Variants in TMEM231 observed in about 807,000 individuals in gnomAD.
TMEM231 encodes transmembrane protein 231.
A neutral mutation model predicts 38.5 loss-of-function variants in TMEM231; 40 were observed. The observed-to-expected ratio is 1.04, with a 90% CI of 0.81 to 1.35. TMEM231 has a LOEUF of 1.35. Ranked by LOEUF, TMEM231 falls within the 40% of genes most tolerant of loss-of-function variation. The pLI is 0.00. For synonymous variants in TMEM231, 199 were observed against 181.7 expected, an observed-to-expected ratio of 1.10 and a Z score of -0.77; for missense variants, 420 against 416.9, an observed-to-expected ratio of 1.01 and a Z score of -0.07.
At chr16:75,541,641 A>G in intron 5 of TMEM231, 186 bp from the exon 6 acceptor site, 1 of 403,256 alleles carries the variant, frequency 2.5e-6, no homozygotes, top group Non-Finnish European at 4.4e-6. Flanking sequence ...TAGTCAAAAT[A>G]CTTTTGTTAA....
chr16:75,556,139 G>A lies in TMEM231; in HGVS notation c.71C>T (p.Ala24Val), dbSNP rs1277858041. ...SYRAGLCSKA[A>V]LFLLLAAALT... ...CGCAGCGGCCAGCAGCAGGAACAGC[G>A]CGGCTTTGGAGCAGAGCCCCGCGCG... Residue 24 changes from alanine (A) to valine (V), a missense_variant, in exon 1 of 7, where the codon GCG becomes GTG. Coordinates refer to ENST00000258173, the MANE Select transcript of TMEM231 (RefSeq NM_001077418.3). The A allele has an allele frequency of 6.3e-7, 1 of 1,579,736 alleles. No individual in the cohort carries two copies. The highest frequency in any genetic ancestry group is 1.4e-5 in the African/African-American group (1 of 73,942).
rs776487689 is a variant in TMEM231, at chr16:75,540,028, G to A, written c.917C>T (p.Pro306Leu). 6.2e-7 allele frequency: 1 copy of A among 1,613,378 alleles called. No individual in the cohort carries two copies. Among genetic ancestry groups the A allele is most frequent in the East Asian group, 2.2e-5 (1 of 44,884 alleles). Residue 306 changes from proline to leucine, a missense_variant, in exon 7 of 7, where the codon CCC (proline) becomes CTC (leucine). By Grantham distance (98) the Pro-to-Leu change is moderately conservative. Transcript: ENST00000258173. ...VVTTIPVTVT[P>L]RGDLCKEHLS ...GTGCTCCTTACACAAGTCTCCCCGGGGCGTCACTGTCACAGGAATGGTGGT... is the reference window on the plus strand; with the variant it reads ...GTGCTCCTTACACAAGTCTCCCCGGAGCGTCACTGTCACAGGAATGGTGGT...
chr16:75,547,136 G>A (rs184135669), intron 2 of TMEM231, among the ~76,000 whole-genome samples: 1 of 152,158 alleles, frequency 6.6e-6, no homozygotes, highest in Non-Finnish European at 1.5e-5. Flanking sequence ...GCACAACTCT[G>A]GATCTTTTTG....
intron 2 of TMEM231, among the ~76,000 whole-genome samples, chr16:75,553,721 C>G (rs1338247656): frequency 6.6e-6 from 1 of 151,232 alleles, no homozygotes; most frequent in East Asian, 1.9e-4. Flanking sequence ...TGGGGTCTTG[C>G]TATGTTGCCC....
At position 75,537,710 on chromosome 16, in the gene TMEM231, C is replaced by T. The variant is rs2080574801; in HGVS notation, c.*2284G>A. 1.3e-5 allele frequency: 2 copies of T among 152,198 alleles called. No homozygotes were observed. The highest frequency in any genetic ancestry group is 6.5e-5 in the Admixed American group (1 of 15,280). The allele number at this position is 152,198 out of a possible 1,614,324, so 9.4% of individuals were successfully genotyped here. On this transcript the variant is annotated 3_prime_UTR_variant, in exon 7 of 7. Transcript: ENST00000258173. The stretch of plus-strand genomic sequence containing the variant: ...CCATGTTGGCCAGGATGGTCTCGAT[C>T]TCCTGACCTTGTGATTCACCCACCT...
Position 75,537,025 on chromosome 16 carries a change from G to A in TMEM231, c.*2969C>T, listed in dbSNP as rs1317470932. On this transcript the variant is annotated 3_prime_UTR_variant, in exon 7 of 7. Transcript: ENST00000258173. ...TAATCCCAGCTACTCGGGAGGGTAA[G>A]GCAGGAGAATCACTTGAACCTGGGA... 1 of 151,172 alleles carries A rather than the reference G, an allele frequency of 6.6e-6. No homozygotes were observed. The highest frequency in any genetic ancestry group is 1.5e-5 in the Non-Finnish European group (1 of 68,022). The allele number at this position is 151,172 out of a possible 1,614,324, so 9.4% of individuals were successfully genotyped here.
In TMEM231 at chr16:75,540,084, G is replaced by C. The variant is rs758007266; in HGVS notation, c.861C>G (p.Ile287Met). 51 of 1,613,686 alleles carry C rather than the reference G, an allele frequency of 3.2e-5. No individual in the cohort carries two copies. Among genetic ancestry groups the C allele is most frequent in the Non-Finnish European group, 4.1e-5 (48 of 1,179,804 alleles). The change falls in exon 7 of 7, where the codon ATC becomes ATG. Residue 287 changes from isoleucine (I) to methionine (M), a missense_variant. Coordinates refer to ENST00000258173, the MANE Select transcript of TMEM231 (RefSeq NM_001077418.3). ...LLIFLWVFER[I>M]KIFVFQNQVV... ...CCTGATTCTGAAACACGAAGATCTT[G>C]ATTCTTTCAAACACCCAGAGGAAGA... is the stretch of plus-strand genomic sequence containing the variant.
In TMEM231 at chr16:75,556,232, G is replaced by A. The variant is rs2151711299; in HGVS notation, c.-23C>T. The A allele has an allele frequency of 7.2e-7, 1 of 1,385,788 alleles. No homozygotes were observed. Among genetic ancestry groups the A allele is most frequent in the East Asian group, 3.0e-5 (1 of 33,868 alleles). The allele number at this position is 1,385,788 out of a possible 1,614,324, so 85.8% of individuals were successfully genotyped here. A position where few individuals can be genotyped will look rare whatever the true frequency, so the allele number is the denominator to read the frequency against. ...CATGAGCACCGCTCGCAGGCACTCC[G>A]CGAGCCGGGGGACCAAGTTTGGCTT... On this transcript the variant is annotated 5_prime_UTR_variant, in exon 1 of 7. Transcript: ENST00000258173.
At chr16:75,543,917 C>T (rs751445860) in intron 4 of TMEM231, among the ~76,000 whole-genome samples, 6 of 152,162 alleles carry the variant, frequency 3.9e-5, no homozygotes, top group Admixed American at 6.5e-5. Context: ...CTGTAATAAC[C>T]GATAACATCC....
intron 5 of TMEM231, among the ~76,000 whole-genome samples, chr16:75,542,313 G>T (rs2080636441): frequency 6.6e-6 from 1 of 151,732 alleles, no homozygotes; most frequent in African/African-American, 2.4e-5. Flanking sequence ...AACTCAATTA[G>T]GCTTATATTT....
intron 2 of TMEM231, among the ~76,000 whole-genome samples, chr16:75,554,545 CA>C (rs1185694717): frequency 0.12 from 11,524 of 93,982 alleles, 336 homozygotes; most frequent in African/African-American, 0.17. Flanking sequence ...GACTGTGTCT[CA>C]AAAAAAAAAA....
chr16:75,545,545 G>A, intron 3 of TMEM231, 50 bp from the exon 4 acceptor site: 5 of 1,346,306 alleles, frequency 3.7e-6, no homozygotes, highest in Non-Finnish European at 5.0e-6. Flanking sequence ...AGATCTGAAG[G>A]GCTCTGGGTG....
intron 4 of TMEM231, among the ~76,000 whole-genome samples, chr16:75,543,031 A>AT (rs2080645788): frequency 6.6e-6 from 1 of 152,176 alleles, no homozygotes; most frequent in South Asian, 2.1e-4. Context: ...TTTTAAAGCT[A>AT]TTTTTAAAAT....
intron 2 of TMEM231, among the ~76,000 whole-genome samples, chr16:75,550,209 C>G (rs1025021781): frequency 5.9e-5 from 9 of 152,216 alleles, no homozygotes; most frequent in African/African-American, 1.9e-4. Flanking sequence ...GAGCCTCAGA[C>G]TTCAAGAAGG....
intron 2 of TMEM231, among the ~76,000 whole-genome samples, chr16:75,548,902 C>G (rs1280048621): frequency 6.6e-6 from 1 of 152,014 alleles, no homozygotes; most frequent in East Asian, 1.9e-4. Flanking sequence ...AAGAATTTAA[C>G]AGAAATTTTT....
chr16:75,547,643 G>T (rs1332429411), intron 2 of TMEM231, among the ~76,000 whole-genome samples: 1 of 152,122 alleles, frequency 6.6e-6, no homozygotes, highest in Non-Finnish European at 1.5e-5. Flanking sequence ...GCTGGGAGTG[G>T]TGGCACGTGC....
At chr16:75,540,527 G>A (rs1013898892) in intron 6 of TMEM231, among the ~76,000 whole-genome samples, 1 of 152,132 alleles carries the variant, frequency 6.6e-6, no homozygotes, top group Admixed American at 6.5e-5. Context: ...GCACCTGTAC[G>A]GAACACAATT....
chr16:75,548,068 T>C (rs1329002140), intron 2 of TMEM231, among the ~76,000 whole-genome samples: 1 of 152,144 alleles, frequency 6.6e-6, no homozygotes, highest in Non-Finnish European at 1.5e-5. Flanking sequence ...GCAGAACAGG[T>C]ATTTTCCCAT....
chr16:75,542,407 A>C, intron 5 of TMEM231, 195 bp downstream of exon 5: 1 of 574,512 alleles, frequency 1.7e-6, no homozygotes, highest in Non-Finnish European at 3.1e-6. Context: ...GGGATGCTGG[A>C]GGGGTGGGGG....
Sources: gnomAD v4.1 joint callset for allele counts (sites outside exome capture counted in the v4.1 genomes callset) on GRCh38, gnomAD v4.1.1 for gene constraint, MANE v1.5 for transcripts, NCBI Gene and HGNC (gene_info 2026-07-23, HGNC 2026-07-21) for gene names.